Variants in ATP8B4 observed in about 807,000 individuals in gnomAD.
The protein encoded by ATP8B4 is probable phospholipid-transporting ATPase IM.
ATP8B4 carries 133 observed loss-of-function variants against 145.6 expected under a neutral mutation model. The ratio of observed to expected loss-of-function variants is 0.91; its 90% CI spans 0.79 to 1.05. ATP8B4 has a LOEUF of 1.05. ATP8B4 is among the 50% of genes least tolerant of loss of function. ATP8B4 has a pLI of 0.00. For missense variants in ATP8B4, 1,458 were observed against 1,425.2 expected (o/e 1.02, Z -0.37); for synonymous variants, 507 against 492.9 (o/e 1.03, Z -0.38).
intron 23 of ATP8B4, among the ~76,000 whole-genome samples, chr15:49,888,512 A>G (rs1029653428): frequency 6.6e-6 from 1 of 152,226 alleles, no homozygotes; most frequent in African/African-American, 2.4e-5. Flanking sequence ...ACACAGTACC[A>G]GTAGTTGCAT....
chr15:50,092,531 T>C (rs1302899270), intron 2 of ATP8B4, among the ~76,000 whole-genome samples: 3 of 151,920 alleles, frequency 2.0e-5, no homozygotes, highest in Non-Finnish European at 4.4e-5. Context: ...CGGAAATATA[T>C]GTAAAAGAAA....
chr15:49,941,956 A>G (rs974627626), intron 14 of ATP8B4, among the ~76,000 whole-genome samples: 5 of 152,188 alleles, frequency 3.3e-5, no homozygotes, highest in East Asian at 3.9e-4. Context: ...ACCAAATACC[A>G]TATGTCCTCA....
intron 23 of ATP8B4, among the ~76,000 whole-genome samples, chr15:49,890,390 T>C (rs2036656408): frequency 6.6e-6 from 1 of 152,196 alleles, no homozygotes; most frequent in African/African-American, 2.4e-5. Flanking sequence ...ACTATGGAGC[T>C]TTCAATCCTG....
At chr15:50,004,233 C>G (rs538220986) in intron 7 of ATP8B4, among the ~76,000 whole-genome samples, 12 of 152,128 alleles carry the variant, frequency 7.9e-5, no homozygotes, top group Non-Finnish European at 1.5e-4. Context: ...GGAGGGAGTG[C>G]GAAGGGAAGG....
At chr15:50,031,824 C>A (rs1024791399) in intron 6 of ATP8B4, among the ~76,000 whole-genome samples, 4 of 152,062 alleles carry the variant, frequency 2.6e-5, no homozygotes, top group African/African-American at 9.7e-5. Context: ...TCCTTCCTAG[C>A]TGCCTGAAGG....
At chr15:50,139,015 G>A (rs2044170669) in intron 1 of ATP8B4, among the ~76,000 whole-genome samples, 1 of 152,156 alleles carries the variant, frequency 6.6e-6, no homozygotes, top group Admixed American at 6.5e-5. Flanking sequence ...CAACCATTGT[G>A]GAAGACAGTG....
At chr15:49,924,646 T>A (rs1043636413) in intron 16 of ATP8B4, among the ~76,000 whole-genome samples, 1 of 152,192 alleles carries the variant, frequency 6.6e-6, no homozygotes, top group Non-Finnish European at 1.5e-5. Flanking sequence ...TCTACACTTA[T>A]CTATTCTAGT....
In ATP8B4 at chr15:49,876,459, A is replaced by G. The variant is rs770613490; in HGVS notation, c.2846T>C (p.Leu949Pro). ...QLYKPGQLNLLFNKRKFFICV... is the reference protein window; with the variant it reads ...QLYKPGQLNLPFNKRKFFICV... Reference sequence around the variant, plus strand: ...AATGAAAAATTTACGCTTGTTAAAAAGCAGATTCAGCTGTCCTGGTTTGTA... The same window carrying G: ...AATGAAAAATTTACGCTTGTTAAAAGGCAGATTCAGCTGTCCTGGTTTGTA... The change falls in exon 25 of 28, where the codon CTT becomes CCT. Residue 949 changes from leucine to proline, a missense_variant. By Grantham distance (98) the Leu-to-Pro change is moderately conservative (BLOSUM62 -3). Transcript: ENST00000284509. 1.9e-6 allele frequency: 3 copies of G among 1,614,148 alleles called. No homozygotes were observed. In the African/African-American group the frequency reaches 4.0e-5, roughly 22 times the overall value.
Position 49,972,809 on chromosome 15 carries a change from G to C in ATP8B4, c.1035-19C>G, listed in dbSNP as rs2045291458. ...TTCCACACTATCATCCATTAAAATG[G>C]AAAAAAAGAAAGAAATGCTCCATTA... On this transcript the variant is annotated intron_variant, in intron 12 of 27. Transcript: ENST00000284509. The C allele has an allele frequency of 6.3e-7, 1 of 1,595,386 alleles. No homozygotes were observed. Among genetic ancestry groups the C allele is most frequent in the Non-Finnish European group, 8.5e-7 (1 of 1,172,736 alleles).
At chr15:49,996,625 A>C (rs980556209) in intron 9 of ATP8B4, 52 bp downstream of exon 9, 97 of 1,391,138 alleles carry the variant, frequency 7.0e-5, no homozygotes, top group Non-Finnish European at 9.6e-5. Flanking sequence ...ACTTTGTTGC[A>C]TTGCTTTTTG....
intron 1 of ATP8B4, among the ~76,000 whole-genome samples, chr15:50,165,887 T>C (rs1024791573): frequency 3.3e-5 from 5 of 151,322 alleles, no homozygotes; most frequent in African/African-American, 1.2e-4. Flanking sequence ...AGATAAAAAA[T>C]TTGAAAAGAT....
chr15:50,158,705 T>C lies in ATP8B4; in HGVS notation c.-43+23556A>G, dbSNP rs1328809507. On this transcript the variant is annotated intron_variant, in intron 1 of 3. Coordinates refer to the ATP8B4 transcript ENST00000558829. ...AAAGATTGAGAAATCGGATGGTTGC[T>C]GTGTCTGGGTAGAAAGAAGTAGACA... 4.6e-5 allele frequency among the ~76,000 whole-genome samples: 7 copies of C among 152,378 alleles called. No homozygotes were observed. In the East Asian group the frequency reaches 7.7e-4, roughly 17 times the overall value.
intron 1 of ATP8B4, among the ~76,000 whole-genome samples, chr15:50,171,469 C>T (rs964921846): frequency 2.3e-4 from 35 of 152,214 alleles, no homozygotes; most frequent in African/African-American, 8.2e-4. Flanking sequence ...TGGGTAAAAA[C>T]GAAATCAAGA....
At chr15:49,996,071 G>A (rs940308547) in intron 9 of ATP8B4, among the ~76,000 whole-genome samples, 2 of 152,142 alleles carry the variant, frequency 1.3e-5, no homozygotes, top group African/African-American at 2.4e-5. Flanking sequence ...GGAAAGGCAA[G>A]AGAGATTATA....
chr15:50,003,735 G>A lies in ATP8B4; in HGVS notation c.436-1512C>T, dbSNP rs917095252. Reference sequence around the variant, plus strand: ...CAAAATTCTCTAATCCTAAGAATCTGTGATTGAATATAGAGAAAGATGCCT... The same window carrying A: ...CAAAATTCTCTAATCCTAAGAATCTATGATTGAATATAGAGAAAGATGCCT... On this transcript the variant is annotated intron_variant, in intron 7 of 27. Coordinates refer to ENST00000284509, the MANE Select transcript of ATP8B4 (RefSeq NM_024837.4). Among the ~76,000 whole-genome samples the A allele has an allele frequency of 2.0e-5, 3 of 152,122 alleles. No homozygotes were observed. The East Asian group carries it at 5.8e-4, about 29-fold the overall frequency.
chr15:50,108,420 A>T (rs1023220472), intron 1 of ATP8B4, among the ~76,000 whole-genome samples: 2 of 151,730 alleles, frequency 1.3e-5, no homozygotes, highest in African/African-American at 4.9e-5. Context: ...GCCTCAGGAA[A>T]AAAACTCTAA....
chr15:49,964,063 T>G (rs1441413211), intron 13 of ATP8B4, among the ~76,000 whole-genome samples: 5 of 152,194 alleles, frequency 3.3e-5, no homozygotes, highest in African/African-American at 1.2e-4. Flanking sequence ...AAAACTAAAG[T>G]AAGCATAGTG....
intron 1 of ATP8B4, among the ~76,000 whole-genome samples, chr15:50,177,076 A>T (rs2044774618): frequency 6.6e-6 from 1 of 152,226 alleles, no homozygotes; most frequent in South Asian, 2.1e-4. Context: ...AAGAAATGTG[A>T]TTAACTTATG....
intron 26 of ATP8B4, among the ~76,000 whole-genome samples, chr15:49,863,970 T>C (rs1449340301): frequency 6.6e-6 from 1 of 152,220 alleles, no homozygotes; most frequent in Non-Finnish European, 1.5e-5. Context: ...AGTCTCATTA[T>C]GCATCACAGT....
Sources: gnomAD v4.1 joint callset for allele counts (sites outside exome capture counted in the v4.1 genomes callset) on GRCh38, gnomAD v4.1.1 for gene constraint, MANE v1.5 for transcripts, NCBI Gene and HGNC (gene_info 2026-07-23, HGNC 2026-07-21) for gene names.